Variants in CCT3 observed in about 807,000 individuals in gnomAD.
CCT3 encodes chaperonin containing TCP1 subunit 3, also known as T-complex protein 1 subunit gamma.
CCT3 carries 10 observed loss-of-function variants against 65.3 expected under a neutral mutation model. The observed-to-expected ratio is 0.15, with a 90% CI of 0.09 to 0.26. CCT3 has a LOEUF of 0.26. Among genes scored for constraint, CCT3 ranks in the 10% least tolerant of loss-of-function variants. The pLI is 1.00. For synonymous variants in CCT3, 225 were observed against 242.3 expected, an observed-to-expected ratio of 0.93 and a Z score of 0.66; for missense variants, 626 against 708.7, an observed-to-expected ratio of 0.88 and a Z score of 1.33.
intron 5 of CCT3, among the ~76,000 whole-genome samples, chr1:156,327,463 G>C (rs1026266353): frequency 2.0e-5 from 3 of 151,766 alleles, no homozygotes; most frequent in Admixed American, 6.6e-5. Context: ...ACTGGTTTTC[G>C]TATTTTTTTG....
intron 1 of CCT3, 66 bp downstream of exon 1, chr1:156,338,088 A>G: frequency 6.5e-7 from 1 of 1,535,308 alleles, no homozygotes; most frequent in Non-Finnish European, 8.9e-7. Context: ...AGCTGGGGCA[A>G]CACTGAAAAG....
intron 5 of CCT3, among the ~76,000 whole-genome samples, chr1:156,327,657 G>A (rs957970960): frequency 6.6e-6 from 1 of 151,922 alleles, no homozygotes; most frequent in African/African-American, 2.4e-5. Context: ...CCTCCCAGCC[G>A]CCTGCCTTGG....
chr1:156,317,433 T>C lies in CCT3; in HGVS notation c.874A>G (p.Thr292Ala), dbSNP rs773356559. 2.9e-5 allele frequency: 46 copies of C among 1,612,928 alleles called. 1 individual carries two copies. Among genetic ancestry groups the C allele is most frequent in the Middle Eastern group, 1.6e-4 (1 of 6,066 alleles). Residue 292 changes from threonine (T) to alanine (A), a missense_variant, in exon 9 of 14, where the codon ACT (threonine) becomes GCT (alanine). Coordinates refer to ENST00000295688, the MANE Select transcript of CCT3 (RefSeq NM_005998.5). ...IIQLKPDVVITEKGISDLAQH... is the reference protein window; with the variant it reads ...IIQLKPDVVIAEKGISDLAQH... ...GTCCCACCTGAGATGCCCTTTTCAG[T>C]GATGACCACATCGGGCTTCAGTTGG...
rs769299600 is a variant in CCT3, at chr1:156,310,955, G to A, written c.1396C>T (p.Leu466Phe). The A allele has an allele frequency of 6.2e-7, 1 of 1,613,744 alleles. No individual in the cohort carries two copies. The highest frequency in any genetic ancestry group is 1.7e-5 in the Admixed American group (1 of 59,980). ...GASTIRLLTS[L>F]RAKHTQENCE... ...AAGCTTGGAGAGGAACTCACCCGAAGGGAGGTAAGTAGACGGATGGTGCTG... is the reference window on the plus strand; with the variant it reads ...AAGCTTGGAGAGGAACTCACCCGAAAGGAGGTAAGTAGACGGATGGTGCTG... The change falls in exon 12 of 14, where the codon CTT becomes TTT. Residue 466 changes from leucine to phenylalanine, a missense_variant. By Grantham distance (22) the Leu-to-Phe change is conservative. Transcript: ENST00000295688.
chr1:156,314,753 A>G (rs563019824), intron 10 of CCT3, among the ~76,000 whole-genome samples: 47 of 152,200 alleles, frequency 3.1e-4, no homozygotes, highest in African/African-American at 1.0e-3. Flanking sequence ...ACCAAACAGA[A>G]GATGACTTGA....
chr1:156,317,387 T>C (rs973404755), intron 9 of CCT3, 28 bp downstream of exon 9: 1 of 1,602,890 alleles, frequency 6.2e-7, no homozygotes, highest in African/African-American at 1.3e-5. Flanking sequence ...ACCTCAAAGG[T>C]AGGCTGGAAA....
At chr1:156,328,045 T>TCAGCCCCCGCCCGG (rs1410150374) in intron 5 of CCT3, among the ~76,000 whole-genome samples, 2 of 4,634 alleles carry the variant, frequency 4.3e-4, no homozygotes, top group African/African-American at 8.4e-4. Context: ...GAGGTGGGGG[T>TCAGCCCCCGCCCGG]CCAGCCGCCC....
intron 1 of CCT3, chr1:156,337,928 C>A (rs1196327238): frequency 1.0e-5 from 6 of 576,526 alleles, no homozygotes; most frequent in Non-Finnish European, 1.9e-5. Context: ...GACGAGCACA[C>A]GTCAAGGAAA....
intron 5 of CCT3, among the ~76,000 whole-genome samples, chr1:156,329,939 GA>G (rs758816481): frequency 7.1e-4 from 94 of 133,168 alleles, no homozygotes; most frequent in South Asian, 1.9e-3. Context: ...ACTCTGTCTC[GA>G]AAAAAAAAAA....
chr1:156,333,708 C>T lies in CCT3; in HGVS notation c.208-65G>A, dbSNP rs893640999. ...GACCTCTGAACTCATGAAGCTTGGC[C>T]CTAACTCTTGGGCTTCTTGCTTCTA... On this transcript the variant is annotated intron_variant, in intron 4 of 13. Transcript: ENST00000295688. 14 of 1,240,642 alleles carry T rather than the reference C, an allele frequency of 1.1e-5. No homozygotes were observed. The African/African-American group carries it at 1.9e-4, about 17-fold the overall frequency. 76.9% of individuals were successfully genotyped at this position (1,240,642 alleles called of 1,614,324 possible).
chr1:156,311,005 C>T lies in CCT3; in HGVS notation c.1346G>A (p.Arg449His), dbSNP rs771283301. 12 of 1,614,086 alleles carry T rather than the reference C, an allele frequency of 7.4e-6. No homozygotes were observed. Among genetic ancestry groups the T allele is most frequent in the South Asian group, 5.5e-5 (5 of 91,074 alleles). The change falls in exon 12 of 14, where the codon CGT becomes CAT. Residue 449 changes from arginine (R) to histidine (H), a missense_variant. By Grantham distance (29) the Arg-to-His change is conservative (BLOSUM62 0). Coordinates refer to ENST00000295688, the MANE Select transcript of CCT3 (RefSeq NM_005998.5). ...GGCCCCACAGTTCTGGATCAGGGTA[C>T]GAGGAATGACCTCTAGGGCCTGGGC... ...AVAQALEVIP[R>H]TLIQNCGAST...
rs568546765 is a variant in CCT3 at position 156,334,323 on chromosome 1, AG to A, written c.207+389del. 3.2e-4 allele frequency among the ~76,000 whole-genome samples: 48 copies of A among 152,088 alleles called. 1 individual carries two copies. In the South Asian group the frequency reaches 9.3e-3, roughly 30 times the overall value. On this transcript the variant is annotated intron_variant, in intron 4 of 13. Coordinates refer to ENST00000295688, the MANE Select transcript of CCT3 (RefSeq NM_005998.5). ...CTTTATTTTAAAATAGGGTTTTTGC[AG>A]ATGTAACCAAGTTAGATAAGGTCAT... is the stretch of plus-strand genomic sequence containing the variant.
At position 156,309,012 on chromosome 1, in the gene CCT3, C is replaced by A; in HGVS notation, c.*187G>T. 1 of 534,654 alleles carries A rather than the reference C, an allele frequency of 1.9e-6. No homozygotes were observed. Among genetic ancestry groups the A allele is most frequent in the Non-Finnish European group, 3.3e-6 (1 of 299,792 alleles). The allele number at this position is 534,654 out of a possible 1,614,324, so 33.1% of individuals were successfully genotyped here. On this transcript the variant is annotated 3_prime_UTR_variant, in exon 14 of 14. Transcript: ENST00000295688. Reference sequence around the variant, plus strand: ...TCATCGGAAGCAAACTAAATGGAAACCTTACAATAGAGAAGAATTACATGT... The same window carrying A: ...TCATCGGAAGCAAACTAAATGGAAAACTTACAATAGAGAAGAATTACATGT...
In CCT3 at chr1:156,317,541, T is replaced by C. The variant is rs2101640101; in HGVS notation, c.766A>G (p.Ile256Val). The C allele has an allele frequency of 6.2e-7, 1 of 1,612,358 alleles. No individual in the cohort carries two copies. Among genetic ancestry groups the C allele is most frequent in the African/African-American group, 1.3e-5 (1 of 74,972 alleles). The change falls in exon 9 of 14, where the codon ATT (isoleucine) becomes GTT (valine). Residue 256 changes from isoleucine to valine, a missense_variant. Ile to Val is a conservative substitution (Grantham distance 29, BLOSUM62 3). Transcript: ENST00000295688. ...AAGTCCTCCTCTCGTGTAATCTCAATGTCAGTCTGTGTGGTAAAGAAAAGA... is the reference window on the plus strand; with the variant it reads ...AAGTCCTCCTCTCGTGTAATCTCAACGTCAGTCTGTGTGGTAAAGAAAAGA... ...EYKKGESQTD[I>V]EITREEDFTR...
chr1:156,338,262 GC>G lies in CCT3; in HGVS notation c.-79del. 1 of 1,487,016 alleles carries G rather than the reference GC, an allele frequency of 6.7e-7. No individual in the cohort carries two copies. The highest frequency in any genetic ancestry group is 9.2e-7 in the Non-Finnish European group (1 of 1,088,200). The allele number at this position is 1,487,016 out of a possible 1,614,324, so 92.1% of individuals were successfully genotyped here. A position where few individuals can be genotyped will look rare whatever the true frequency, so the allele number is the denominator to read the frequency against. On this transcript the variant is annotated 5_prime_UTR_variant, in exon 1 of 14. Coordinates refer to ENST00000295688, the MANE Select transcript of CCT3 (RefSeq NM_005998.5). ...TCTGGAGAGAGAGAACCAGACAGAAGCCCAGAAAACGCTGCCTCCTCAGGGC... is the reference window on the plus strand; with the variant it reads ...TCTGGAGAGAGAGAACCAGACAGAAGCCAGAAAACGCTGCCTCCTCAGGGC...
intron 10 of CCT3, 139 bp downstream of exon 10, chr1:156,317,027 G>C: frequency 1.4e-6 from 1 of 709,650 alleles, no homozygotes; most frequent in Admixed American, 2.3e-5. Context: ...CTTCTGAAGA[G>C]GGCAGGCAGC....
At chr1:156,322,784 A>C (rs1664612906) in intron 6 of CCT3, among the ~76,000 whole-genome samples, 1 of 151,970 alleles carries the variant, frequency 6.6e-6, no homozygotes, top group Non-Finnish European at 1.5e-5. Flanking sequence ...GCTTGAAGCC[A>C]GGGAGCAGAG....
intron 5 of CCT3, among the ~76,000 whole-genome samples, chr1:156,328,374 G>C (rs1664952498): frequency 6.6e-6 from 1 of 152,166 alleles, no homozygotes; most frequent in Non-Finnish European, 1.5e-5. Flanking sequence ...AGCTCATTGA[G>C]AACGGGCCAT....
intron 8 of CCT3, 58 bp from the exon 9 acceptor site, chr1:156,317,605 G>A (rs1664361627): frequency 1.9e-6 from 3 of 1,542,466 alleles, no homozygotes; most frequent in Admixed American, 3.6e-5. Flanking sequence ...AAGCTCTAAG[G>A]GTCATATTAT....
Sources: allele counts gnomAD v4.1 joint callset (sites outside exome capture counted in the v4.1 genomes callset), GRCh38; gene constraint gnomAD v4.1.1; transcripts MANE v1.5; gene names NCBI Gene and HGNC (gene_info 2026-07-23, HGNC 2026-07-21).